MALRD1: variants seen among roughly 807,000 people sequenced by gnomAD.
MALRD1 encodes the protein MAM and LDL receptor class A domain containing 1, also known as MAM and LDL-receptor class A domain-containing protein 1.
Under a neutral mutation model 242.1 loss-of-function variants are expected in MALRD1, and 247 were observed. The observed-to-expected ratio is 1.02, with a 90% CI of 0.92 to 1.13. The LOEUF is 1.13. Among genes scored for constraint, MALRD1 ranks in the 50% most tolerant of loss-of-function variants. The pLI, the probability that MALRD1 is intolerant of heterozygous loss-of-function variation, is 0.00. For synonymous variants in MALRD1, 995 were observed against 866.6 expected, an observed-to-expected ratio of 1.15 and a Z score of -2.60; for missense variants, 2,989 against 2,533.1, an observed-to-expected ratio of 1.18 and a Z score of -3.86.
In MALRD1 at chr10:19,607,905, A is replaced by T. The variant is rs1838715261; in HGVS notation, c.6070+3A>T. The stretch of plus-strand genomic sequence containing the variant: ...GCTTGATGAGTCCAGCTGCTCCGGT[A>T]CCCCATTTCCATTCAGATATTCTTG... On this transcript the variant is annotated splice_donor_region_variant and intron_variant, in intron 35 of 39. Transcript: ENST00000454679. 1 of 1,548,944 alleles carries T rather than the reference A, an allele frequency of 6.5e-7. No homozygotes were observed. The highest frequency in any genetic ancestry group is 1.2e-5 in the South Asian group (1 of 83,930).
intron 36 of MALRD1, among the ~76,000 whole-genome samples, chr10:19,660,117 C>A (rs1462696571): frequency 6.6e-6 from 1 of 152,096 alleles, no homozygotes; most frequent in Non-Finnish European, 1.5e-5. Flanking sequence ...CTTGTAGTAA[C>A]AAAATGACTT....
rs1841808688 is a variant in MALRD1 at position 19,298,480 on chromosome 10, AG to A, written c.3419+15302del. On this transcript the variant is annotated intron_variant, in intron 21 of 39. Coordinates refer to ENST00000454679, the MANE Select transcript of MALRD1 (RefSeq NM_001142308.3). ...TAGGAAAGGAAACAAGGGGAAACAA[AG>A]GGAAAGAAAGGGAAGGGAAGCAAGG... is the stretch of plus-strand genomic sequence containing the variant. Among the ~76,000 whole-genome samples, 5 of 151,940 alleles carry A rather than the reference AG, an allele frequency of 3.3e-5. No homozygotes were observed. In the South Asian group the frequency reaches 1.0e-3, roughly 32 times the overall value.
At chr10:19,602,519 A>C (rs890415942) in intron 34 of MALRD1, among the ~76,000 whole-genome samples, 1 of 151,912 alleles carries the variant, frequency 6.6e-6, no homozygotes, top group African/African-American at 2.4e-5. Context: ...TGCAAAGGAC[A>C]TGAACTCATC....
intron 5 of MALRD1, among the ~76,000 whole-genome samples, chr10:19,118,009 T>C (rs568756337): frequency 6.6e-6 from 1 of 152,274 alleles, no homozygotes; most frequent in African/African-American, 2.4e-5. Flanking sequence ...AAAATGGCAC[T>C]AAGCAAATAA....
intron 36 of MALRD1, among the ~76,000 whole-genome samples, chr10:19,617,930 T>C (rs1468391122): frequency 6.6e-6 from 1 of 152,058 alleles, no homozygotes; most frequent in Non-Finnish European, 1.5e-5. Context: ...ATCACCCAGG[T>C]ACTAAGCCTA....
intron 18 of MALRD1, among the ~76,000 whole-genome samples, chr10:19,236,422 C>G (rs1014567369): frequency 6.6e-6 from 1 of 152,106 alleles, no homozygotes; most frequent in Non-Finnish European, 1.5e-5. Flanking sequence ...AAAATAAAGC[C>G]CTTTCCTCCT....
chr10:19,630,301 A>G (rs1839848688), intron 36 of MALRD1, among the ~76,000 whole-genome samples: 2 of 152,150 alleles, frequency 1.3e-5, no homozygotes, highest in Non-Finnish European at 2.9e-5. Flanking sequence ...TCAAAAATAC[A>G]TCTCTTTCAA....
At chr10:19,316,162 A>G (rs1434904226) in intron 21 of MALRD1, among the ~76,000 whole-genome samples, 2 of 151,720 alleles carry the variant, frequency 1.3e-5, no homozygotes, top group Non-Finnish European at 1.5e-5. Flanking sequence ...TTTACTAAGG[A>G]CAATTGCTCT....
intron 1 of MALRD1, chr10:19,052,068 A>G (rs1834524117): frequency 2.4e-6 from 1 of 419,196 alleles, no homozygotes; most frequent in Non-Finnish European, 4.6e-6. Flanking sequence ...CTTTGATGGC[A>G]TGGTGGATTC....
intron 31 of MALRD1, among the ~76,000 whole-genome samples, chr10:19,526,757 C>T (rs1204556463): frequency 2.0e-5 from 3 of 152,036 alleles, no homozygotes; most frequent in South Asian, 2.1e-4. Flanking sequence ...TATGCTGCAG[C>T]GAAATAGTGG....
intron 31 of MALRD1, among the ~76,000 whole-genome samples, chr10:19,528,659 G>A (rs1275612330): frequency 3.3e-5 from 5 of 152,078 alleles, no homozygotes; most frequent in African/African-American, 1.2e-4. Flanking sequence ...TTATAAAGGG[G>A]TGTTGTTGAA....
chr10:19,561,561 A>G (rs1468949259), intron 32 of MALRD1, among the ~76,000 whole-genome samples: 1 of 152,218 alleles, frequency 6.6e-6, no homozygotes, highest in Admixed American at 6.5e-5. Context: ...TGAACATTAT[A>G]TAATGCTATA....
chr10:19,144,151 A>G lies in MALRD1; in HGVS notation c.1412-2047A>G, dbSNP rs1349902285. On this transcript the variant is annotated intron_variant, in intron 10 of 39. Coordinates refer to ENST00000454679, the MANE Select transcript of MALRD1 (RefSeq NM_001142308.3). Reference sequence around the variant, plus strand: ...GTCAACTTTCTTGTTTTTTATTTGTAGGGAAATCCATTTAGAGGGAAAAAT... The same window carrying G: ...GTCAACTTTCTTGTTTTTTATTTGTGGGGAAATCCATTTAGAGGGAAAAAT... Among the ~76,000 whole-genome samples, 4 of 152,296 alleles carry G rather than the reference A, an allele frequency of 2.6e-5. No homozygotes were observed. In the East Asian group the frequency reaches 5.8e-4, roughly 22 times the overall value.
At chr10:19,524,890 T>A (rs191247744) in intron 31 of MALRD1, among the ~76,000 whole-genome samples, 17 of 137,414 alleles carry the variant, frequency 1.2e-4, no homozygotes, top group African/African-American at 4.2e-4. Context: ...TTTTATTTTT[T>A]AAATTTTATT....
At chr10:19,669,156 A>G (rs982187623) in intron 36 of MALRD1, among the ~76,000 whole-genome samples, 1 of 152,240 alleles carries the variant, frequency 6.6e-6, no homozygotes, top group Non-Finnish European at 1.5e-5. Flanking sequence ...TGATAGAGTT[A>G]TCTAGAAGCT....
At chr10:19,265,617 TA>T (rs1839940796) in intron 19 of MALRD1, among the ~76,000 whole-genome samples, 1 of 152,160 alleles carries the variant, frequency 6.6e-6, no homozygotes. Flanking sequence ...CCTAATTTGT[TA>T]ATGCTTGTTT....
rs35508391 is a variant in MALRD1, at chr10:19,708,504, A to AT, written c.6314+15972dup. ...AGGCATGTACCCAACACTCCCAGCT[A>AT]TTTTTTTTTTTTTTTTTTTTTTGTA... On this transcript the variant is annotated intron_variant, in intron 38 of 39. Coordinates refer to ENST00000454679, the MANE Select transcript of MALRD1 (RefSeq NM_001142308.3). Among the ~76,000 whole-genome samples the AT allele has an allele frequency of 9.5e-3, 537 of 56,822 alleles. 66 individuals carry two copies. Among genetic ancestry groups the AT allele is most frequent in the Non-Finnish European group, 0.013 (375 of 28,840 alleles). The allele number at this position is 56,822 out of a possible 152,430, so 37.3% of individuals were successfully genotyped here. A position where few individuals can be genotyped will look rare whatever the true frequency, so the allele number is the denominator to read the frequency against.
chr10:19,509,510 C>G (rs1281783412), intron 31 of MALRD1, among the ~76,000 whole-genome samples: 1 of 152,094 alleles, frequency 6.6e-6, no homozygotes, highest in Non-Finnish European at 1.5e-5. Flanking sequence ...TTTGACAATT[C>G]CCTTTTCTGG....
At chr10:19,053,601 G>GT (rs1834574025) in intron 1 of MALRD1, among the ~76,000 whole-genome samples, 3 of 151,848 alleles carry the variant, frequency 2.0e-5, no homozygotes, top group Admixed American at 1.3e-4. Flanking sequence ...AGTTTTTTTT[G>GT]TTTTTTTAGT....
Sources: allele counts gnomAD v4.1 joint callset (sites outside exome capture counted in the v4.1 genomes callset), GRCh38; gene constraint gnomAD v4.1.1; transcripts MANE v1.5; gene names NCBI Gene and HGNC (gene_info 2026-07-23, HGNC 2026-07-21).